The following CRPPA variants were observed in gnomAD, a reference collection of about 807,000 sequenced individuals.
CRPPA encodes the protein D-ribitol-5-phosphate cytidylyltransferase.
A neutral mutation model predicts 52.0 loss-of-function variants in CRPPA; 43 were observed. The observed-to-expected ratio is 0.83, with a 90% confidence interval of 0.65 to 1.07. CRPPA has a LOEUF of 1.07. Among genes scored for constraint, CRPPA ranks in the 50% least tolerant of loss-of-function variants. CRPPA has a pLI of 0.00. For missense variants in CRPPA, 629 were observed against 551.7 expected (o/e 1.14, Z -1.40); for synonymous variants, 250 against 203.5 (o/e 1.23, Z -1.94).
chr7:16,182,460 C>T (rs1309636487), intron 9 of CRPPA, among the ~76,000 whole-genome samples: 1 of 152,076 alleles, frequency 6.6e-6, no homozygotes, highest in African/African-American at 2.4e-5. Flanking sequence ...CCTATAATAA[C>T]ATCTTGGTCC....
At chr7:16,236,778 A>C (rs1782962571) in intron 8 of CRPPA, among the ~76,000 whole-genome samples, 1 of 152,150 alleles carries the variant, frequency 6.6e-6, no homozygotes. Flanking sequence ...TTCACTAAAA[A>C]AAATCATCTA....
chr7:16,286,097 A>AAAAATATATATATATATAT lies in CRPPA; in HGVS notation c.836-7872_836-7871insATATATATATATATATTTT. On this transcript the variant is annotated intron_variant, in intron 5 of 9. Transcript: ENST00000407010. ...TATATATATAATATTTAAAAAAAAA[A>AAAAATATATATATATATAT]ATATATATATATATATATATGCCAA... is the stretch of plus-strand genomic sequence containing the variant. Among the ~76,000 whole-genome samples the AAAAATATATATATATATAT allele has an allele frequency of 8.2e-4, 32 of 39,118 alleles. 2 individuals are homozygous for AAAAATATATATATATATAT. The highest frequency in any genetic ancestry group is 1.3e-3 in the African/African-American group (7 of 5,450). The allele number at this position is 39,118 out of a possible 152,430, so 25.7% of individuals were successfully genotyped here. A position where few individuals can be genotyped will look rare whatever the true frequency, so the allele number is the denominator to read the frequency against.
chr7:16,209,916 C>T (rs2128395905), intron 9 of CRPPA, among the ~76,000 whole-genome samples: 1 of 152,228 alleles, frequency 6.6e-6, no homozygotes, highest in East Asian at 1.9e-4. Flanking sequence ...GCTGAAGATG[C>T]CCATTTCAAT....
At chr7:16,216,707 C>G (rs1583437629) in intron 8 of CRPPA, 1 of 154,604 alleles carries the variant, frequency 6.5e-6, no homozygotes, top group East Asian at 1.9e-4. Flanking sequence ...CGGGTCACTC[C>G]CACCCGAATA....
At chr7:16,144,003 G>C (rs959623208) in intron 9 of CRPPA, among the ~76,000 whole-genome samples, 3 of 152,162 alleles carry the variant, frequency 2.0e-5, no homozygotes, top group African/African-American at 7.2e-5. Flanking sequence ...TATTTGACAG[G>C]TATCTACAGA....
intron 9 of CRPPA, among the ~76,000 whole-genome samples, chr7:16,129,344 T>C (rs1037530164): frequency 1.3e-5 from 2 of 152,088 alleles, no homozygotes; most frequent in Admixed American, 6.6e-5. Context: ...ATCCTCATTA[T>C]ATCTCTCCTT....
intron 9 of CRPPA, among the ~76,000 whole-genome samples, chr7:16,093,075 C>T (rs533690078): frequency 6.6e-6 from 1 of 152,280 alleles, no homozygotes; most frequent in African/African-American, 2.4e-5. Context: ...CTCTATGTTT[C>T]CACAGCTGTG....
At chr7:16,175,806 A>G (rs896295338) in intron 9 of CRPPA, among the ~76,000 whole-genome samples, 1 of 152,178 alleles carries the variant, frequency 6.6e-6, no homozygotes, top group Non-Finnish European at 1.5e-5. Flanking sequence ...TTGTGCTTGA[A>G]AAAGATTATT....
At chr7:16,187,069 T>A (rs995363114) in intron 9 of CRPPA, among the ~76,000 whole-genome samples, 1 of 152,222 alleles carries the variant, frequency 6.6e-6, no homozygotes, top group African/African-American at 2.4e-5. Context: ...TTATTTTTAT[T>A]AAAAGTCTCA....
chr7:16,297,931 T>A (rs72506102), intron 5 of CRPPA, among the ~76,000 whole-genome samples: 1 of 152,152 alleles, frequency 6.6e-6, no homozygotes, highest in Admixed American at 6.5e-5. Context: ...TATCTATATC[T>A]CTGTATATCC....
chr7:16,238,967 G>A (rs755715856), intron 8 of CRPPA, among the ~76,000 whole-genome samples: 4 of 151,830 alleles, frequency 2.6e-5, no homozygotes, highest in East Asian at 1.9e-4. Flanking sequence ...GTGAAACCCC[G>A]TCTCTACTAA....
intron 3 of CRPPA, among the ~76,000 whole-genome samples, chr7:16,372,567 A>G (rs1414389959): frequency 6.6e-6 from 1 of 152,202 alleles, no homozygotes; most frequent in Non-Finnish European, 1.5e-5. Context: ...TTGAAACAAA[A>G]GCTTGATATA....
intron 9 of CRPPA, among the ~76,000 whole-genome samples, chr7:16,156,115 CAAAAAAAAA>C (rs35258024): frequency 3.6e-5 from 4 of 111,994 alleles, no homozygotes; most frequent in Non-Finnish European, 7.4e-5. Flanking sequence ...TATTCAAAAG[CAAAAAAAAA>C]AAAAAAAAAA....
intron 9 of CRPPA, among the ~76,000 whole-genome samples, chr7:16,157,480 G>T (rs1783208244): frequency 6.6e-6 from 1 of 151,950 alleles, no homozygotes. Flanking sequence ...TCACTATTTT[G>T]AGCTATTACA....
chr7:16,188,982 G>A (rs984186861), intron 9 of CRPPA, among the ~76,000 whole-genome samples: 2 of 151,900 alleles, frequency 1.3e-5, no homozygotes, highest in African/African-American at 4.8e-5. Flanking sequence ...AAAAAACATA[G>A]AAGAAAAAAA....
rs571738008 is a variant in CRPPA at position 16,156,999 on chromosome 7, T to C, written c.1251+59067A>G. On this transcript the variant is annotated intron_variant, in intron 9 of 9. Coordinates refer to ENST00000407010, the MANE Select transcript of CRPPA (RefSeq NM_001101426.4). ...GTGAGCAGCAATAACATAGTTTTTT[T>C]GTTATTGTTGTTTTTTGTTTTTTGT... Among the ~76,000 whole-genome samples, 3 of 152,256 alleles carry C rather than the reference T, an allele frequency of 2.0e-5. No homozygotes were observed. The South Asian group carries it at 6.2e-4, about 32-fold the overall frequency.
intron 3 of CRPPA, among the ~76,000 whole-genome samples, chr7:16,364,551 A>G (rs1786541474): frequency 6.6e-6 from 1 of 152,316 alleles, no homozygotes; most frequent in African/African-American, 2.4e-5. Flanking sequence ...AATGTTGTGT[A>G]GAAGCAGCAG....
intron 9 of CRPPA, among the ~76,000 whole-genome samples, chr7:16,156,153 T>C (rs991457659): frequency 2.7e-5 from 4 of 150,602 alleles, no homozygotes; most frequent in African/African-American, 9.8e-5. Flanking sequence ...TTAATTACAC[T>C]ATCTAGAATC....
chr7:16,322,459 A>G (rs889497792), intron 3 of CRPPA, among the ~76,000 whole-genome samples: 2 of 152,142 alleles, frequency 1.3e-5, no homozygotes, highest in Admixed American at 1.3e-4. Context: ...AGCCCAGAAT[A>G]TGACAGCCTA....
Sources: allele counts gnomAD v4.1 joint callset (sites outside exome capture counted in the v4.1 genomes callset), GRCh38; gene constraint gnomAD v4.1.1; transcripts MANE v1.5; gene names NCBI Gene and HGNC (gene_info 2026-07-23, HGNC 2026-07-21).